Variants in SLC14A2 observed in about 807,000 individuals in gnomAD.
SLC14A2 encodes the protein urea transporter 2.
In SLC14A2, 91 loss-of-function variants were observed where a neutral mutation model predicts 104.6. The observed-to-expected ratio is 0.87, with a 90% CI of 0.73 to 1.04. SLC14A2 has a LOEUF of 1.04. SLC14A2 is among the 50% of genes least tolerant of loss of function. The pLI is 0.00. For missense variants in SLC14A2, 1,189 were observed against 1,156.0 expected (o/e 1.03, Z -0.41); for synonymous variants, 476 against 466.4 (o/e 1.02, Z -0.27).
intron 19 of SLC14A2, 131 bp downstream of exon 19, chr18:45,679,155 C>T: frequency 1.2e-6 from 1 of 812,764 alleles, no homozygotes; most frequent in East Asian, 2.7e-5. Context: ...TCAAGTCACA[C>T]TACTCACTTC....
chr18:45,341,631 CT>C (rs2085397116), intron 1 of SLC14A2, among the ~76,000 whole-genome samples: 1 of 74,010 alleles, frequency 1.4e-5, no homozygotes, highest in Admixed American at 2.0e-4. Flanking sequence ...TTGAGATGGA[CT>C]TTTACTTGGC....
chr18:45,219,372 T>A (rs74592311), intron 1 of SLC14A2, among the ~76,000 whole-genome samples: 5,062 of 152,292 alleles, frequency 0.033, 297 homozygotes, highest in African/African-American at 0.12. Context: ...TCTTCTACAG[T>A]CTTTTGCTGT....
chr18:45,674,973 C>T lies in SLC14A2; in HGVS notation c.2512+1156C>T, dbSNP rs73953621. On this transcript the variant is annotated intron_variant, in intron 18 of 19. Transcript: ENST00000255226. The stretch of plus-strand genomic sequence containing the variant: ...ACAAAGAGGTGAAGTGGCTCAACTG[C>T]GTGTAAAAGACAAGGCTGAGACATG... 8.0e-3 allele frequency among the ~76,000 whole-genome samples: 1,225 copies of T among 152,332 alleles called. 11 individuals carry two copies. The highest frequency in any genetic ancestry group is 0.028 in the African/African-American group (1,157 of 41,572).
chr18:45,632,939 A>G (rs928272501), intron 5 of SLC14A2, among the ~76,000 whole-genome samples: 14 of 152,198 alleles, frequency 9.2e-5, no homozygotes, highest in Admixed American at 6.5e-4. Context: ...GGCCTCCCAA[A>G]GTGCTGGGAT....
At chr18:45,369,419 A>T (rs551168255) in intron 1 of SLC14A2, among the ~76,000 whole-genome samples, 8 of 152,150 alleles carry the variant, frequency 5.3e-5, no homozygotes, top group Non-Finnish European at 1.2e-4. Flanking sequence ...ATTTTAAAAG[A>T]GGTTATTAGG....
rs1599104486 is a variant in SLC14A2, at chr18:45,641,096, A to C, written c.992-113A>C. 4.7e-6 allele frequency: 5 copies of C among 1,056,940 alleles called. No individual in the cohort carries two copies. The East Asian group carries it at 1.2e-4, about 26-fold the overall frequency. 65.5% of individuals were successfully genotyped at this position (1,056,940 alleles called of 1,614,324 possible). On this transcript the variant is annotated intron_variant, in intron 7 of 19. Coordinates refer to ENST00000255226, the MANE Select transcript of SLC14A2 (RefSeq NM_007163.4). The stretch of plus-strand genomic sequence containing the variant: ...AGGCTCTTTTGATGGGCAGGTTTGG[A>C]GATGTGGGGTGAACAACAGCATGGA...
intron 1 of SLC14A2, among the ~76,000 whole-genome samples, chr18:45,219,209 G>A (rs758187358): frequency 3.9e-5 from 6 of 152,090 alleles, no homozygotes; most frequent in Non-Finnish European, 8.8e-5. Context: ...AAATCCTTTA[G>A]CTAAACTGAA....
At chr18:45,221,474 G>A (rs1011274286) in intron 1 of SLC14A2, among the ~76,000 whole-genome samples, 5 of 152,136 alleles carry the variant, frequency 3.3e-5, no homozygotes, top group South Asian at 2.1e-4. Flanking sequence ...AGAATCAGCC[G>A]GTGCTCACTA....
chr18:45,632,836 C>T (rs1010422900), intron 5 of SLC14A2, among the ~76,000 whole-genome samples: 1 of 152,252 alleles, frequency 6.6e-6, no homozygotes, highest in Admixed American at 6.5e-5. Flanking sequence ...CGCCACCACG[C>T]CCAGCTAATT....
chr18:45,407,696 G>C (rs1394133558), intron 1 of SLC14A2, among the ~76,000 whole-genome samples: 1 of 152,170 alleles, frequency 6.6e-6, no homozygotes, highest in African/African-American at 2.4e-5. Flanking sequence ...GGCCATTGTA[G>C]GGTCCTTAAT....
chr18:45,410,268 GA>G (rs1294558425), intron 1 of SLC14A2, among the ~76,000 whole-genome samples: 4 of 152,198 alleles, frequency 2.6e-5, no homozygotes, highest in African/African-American at 9.7e-5. Context: ...ACAGGCCACA[GA>G]CCAGTACCAG....
intron 2 of SLC14A2, among the ~76,000 whole-genome samples, chr18:45,562,794 TG>T (rs915914793): frequency 6.7e-6 from 1 of 149,238 alleles, no homozygotes; most frequent in African/African-American, 2.4e-5. Flanking sequence ...AAATTCTCCC[TG>T]GGGGGAAGGG....
the SLC14A2 span, among the ~76,000 whole-genome samples, chr18:45,198,357 T>C: frequency 6.6e-6 from 1 of 152,140 alleles, no homozygotes; most frequent in Non-Finnish European, 1.5e-5. Flanking sequence ...TCAACCACTA[T>C]CATGAGTTTG....
At chr18:45,589,940 C>T (rs1029829536) in intron 2 of SLC14A2, among the ~76,000 whole-genome samples, 1 of 152,180 alleles carries the variant, frequency 6.6e-6, no homozygotes, top group East Asian at 1.9e-4. Flanking sequence ...CTCCTTAGGA[C>T]CCCAGCAGAA....
the SLC14A2 span, among the ~76,000 whole-genome samples, chr18:45,204,224 A>C: frequency 3.5e-3 from 532 of 152,280 alleles, 5 homozygotes; most frequent in African/African-American, 0.012. Context: ...ATGAAAATCA[A>C]CCTCTTGAGG....
intron 2 of SLC14A2, among the ~76,000 whole-genome samples, chr18:45,510,731 T>A (rs534485683): frequency 6.6e-6 from 1 of 151,350 alleles, no homozygotes; most frequent in South Asian, 2.1e-4. Context: ...GATCCCGTCA[T>A]TGAGAGAACT....
chr18:45,649,466 C>T (rs8092653), intron 10 of SLC14A2, among the ~76,000 whole-genome samples: 44,791 of 152,060 alleles, frequency 0.29, 7,603 homozygotes, highest in Middle Eastern at 0.44. Flanking sequence ...TTACTGAGCC[C>T]CTACATCATA....
rs59446624 is a variant in SLC14A2, at chr18:45,514,175, G to A, written c.-35+30853G>A. On this transcript the variant is annotated intron_variant, in intron 2 of 20. Transcript: ENST00000586448. Reference sequence around the variant, plus strand: ...GACTGGGTAATTTACAAGGAAAAGAGGTTTAATCAGCTCATGGTTCTGCAG... The same window carrying A: ...GACTGGGTAATTTACAAGGAAAAGAAGTTTAATCAGCTCATGGTTCTGCAG... 1.9e-3 allele frequency among the ~76,000 whole-genome samples: 295 copies of A among 152,324 alleles called. 3 individuals carry two copies. Among genetic ancestry groups the A allele is most frequent in the African/African-American group, 6.9e-3 (287 of 41,566 alleles).
chr18:45,406,392 C>T (rs2086155126), intron 1 of SLC14A2, among the ~76,000 whole-genome samples: 2 of 152,188 alleles, frequency 1.3e-5, no homozygotes, highest in South Asian at 4.1e-4. Flanking sequence ...TACAATTCTA[C>T]CACATCTGCA....
Sources: gnomAD v4.1 joint callset for allele counts (sites outside exome capture counted in the v4.1 genomes callset) on GRCh38, gnomAD v4.1.1 for gene constraint, MANE v1.5 for transcripts, NCBI Gene and HGNC (gene_info 2026-07-23, HGNC 2026-07-21) for gene names.